ST6GALNAC3: variants seen among roughly 807,000 people sequenced by gnomAD.
ST6GALNAC3 encodes alpha-N-acetylgalactosaminide alpha-2,6-sialyltransferase 3.
ST6GALNAC3 carries 25 observed loss-of-function variants against 32.7 expected under a neutral mutation model. The ratio of observed to expected loss-of-function variants is 0.76; its 90% CI spans 0.56 to 1.07. The LOEUF is 1.07. Ranked by LOEUF, ST6GALNAC3 falls within the 50% of genes least tolerant of loss-of-function variation. ST6GALNAC3 has a pLI of 0.00. For synonymous variants in ST6GALNAC3, 129 were observed against 133.1 expected (o/e 0.97, Z 0.21); for missense variants, 355 against 382.4 (o/e 0.93, Z 0.60).
chr1:76,324,946 A>G (rs1163029569), intron 2 of ST6GALNAC3, among the ~76,000 whole-genome samples: 2 of 151,902 alleles, frequency 1.3e-5, no homozygotes, highest in African/African-American at 2.4e-5. Context: ...ATATATTTTT[A>G]TTATACTTTA....
chr1:76,624,399 T>C (rs2100713900), intron 3 of ST6GALNAC3, among the ~76,000 whole-genome samples: 1 of 152,008 alleles, frequency 6.6e-6, no homozygotes, highest in Admixed American at 6.6e-5. Flanking sequence ...CTAATGACCA[T>C]TGTATCTTCT....
chr1:76,619,917 C>T (rs896894585), intron 3 of ST6GALNAC3, among the ~76,000 whole-genome samples: 1 of 152,072 alleles, frequency 6.6e-6, no homozygotes, highest in Non-Finnish European at 1.5e-5. Flanking sequence ...TCAGCTCTTA[C>T]CTCCTGTTGG....
chr1:76,533,251 A>G (rs1303188957), intron 3 of ST6GALNAC3, among the ~76,000 whole-genome samples: 1 of 152,182 alleles, frequency 6.6e-6, no homozygotes, highest in Non-Finnish European at 1.5e-5. Context: ...AAAGTCCTGT[A>G]CAAAGAACCA....
chr1:76,570,739 C>T (rs993262519), intron 3 of ST6GALNAC3, among the ~76,000 whole-genome samples: 3 of 152,010 alleles, frequency 2.0e-5, no homozygotes, highest in Admixed American at 6.6e-5. Flanking sequence ...CTTCTCTTGC[C>T]GTGGGGGACA....
intron 2 of ST6GALNAC3, among the ~76,000 whole-genome samples, chr1:76,346,605 G>A (rs1019819528): frequency 2.6e-4 from 40 of 152,218 alleles, no homozygotes; most frequent in Non-Finnish European, 3.5e-4. Flanking sequence ...GCAATGCACA[G>A]CTACAGAGGC....
At chr1:76,098,138 G>A (rs2100767270) in intron 1 of ST6GALNAC3, among the ~76,000 whole-genome samples, 1 of 152,218 alleles carries the variant, frequency 6.6e-6, no homozygotes, top group East Asian at 1.9e-4. Context: ...CTATCCACAA[G>A]GCAATAATTT....
In ST6GALNAC3 at chr1:76,628,941, A is replaced by C. The variant is rs1351038236; in HGVS notation, c.*135A>C. ...TTATCAAGTTCCTGTACACTCTCAG[A>C]TGTGGATGGTGACTCTGCTAGTAAT... is the stretch of plus-strand genomic sequence containing the variant. On this transcript the variant is annotated 3_prime_UTR_variant, in exon 5 of 5. Transcript: ENST00000328299. The C allele has an allele frequency of 5.4e-6, 8 of 1,478,024 alleles. No individual in the cohort carries two copies. Among genetic ancestry groups the C allele is most frequent in the African/African-American group, 1.4e-5 (1 of 69,612 alleles). The allele number at this position is 1,478,024 out of a possible 1,614,324, so 91.6% of individuals were successfully genotyped here.
intron 1 of ST6GALNAC3, among the ~76,000 whole-genome samples, chr1:76,203,757 C>G (rs72675912): frequency 6.6e-6 from 1 of 151,752 alleles, no homozygotes; most frequent in Non-Finnish European, 1.5e-5. Flanking sequence ...ATAAAATTAC[C>G]TAATAGGTAT....
At chr1:76,552,927 G>C (rs1664721252) in intron 3 of ST6GALNAC3, among the ~76,000 whole-genome samples, 1 of 152,084 alleles carries the variant, frequency 6.6e-6, no homozygotes, top group Admixed American at 6.5e-5. Context: ...AGTTTACAAA[G>C]ATTTTTAGAC....
chr1:76,170,121 C>T (rs1652382005), intron 1 of ST6GALNAC3, among the ~76,000 whole-genome samples: 1 of 152,142 alleles, frequency 6.6e-6, no homozygotes, highest in African/African-American at 2.4e-5. Context: ...CATTCAGCTC[C>T]CAACTCCTGC....
intron 2 of ST6GALNAC3, among the ~76,000 whole-genome samples, chr1:76,315,460 T>C (rs1557779546): frequency 6.6e-6 from 1 of 151,966 alleles, no homozygotes; most frequent in Admixed American, 6.6e-5. Flanking sequence ...GATTTCGGAG[T>C]GTGAAAGGAA....
intron 1 of ST6GALNAC3, among the ~76,000 whole-genome samples, chr1:76,092,521 C>T (rs1287768132): frequency 6.6e-6 from 1 of 152,096 alleles, no homozygotes; most frequent in Non-Finnish European, 1.5e-5. Flanking sequence ...ATCACAGCAA[C>T]CCTTCAAAAT....
intron 1 of ST6GALNAC3, among the ~76,000 whole-genome samples, chr1:76,208,049 C>CGCA (rs1553165404): frequency 2.0e-5 from 1 of 51,100 alleles, no homozygotes; most frequent in African/African-American, 5.8e-5. Flanking sequence ...GTGCCCCCCC[C>CGCA]CCCAAAAAAT....
intron 3 of ST6GALNAC3, among the ~76,000 whole-genome samples, chr1:76,521,708 A>G (rs1386229816): frequency 6.6e-6 from 1 of 152,112 alleles, no homozygotes; most frequent in Non-Finnish European, 1.5e-5. Context: ...TTAGTATTTC[A>G]TATTTATTTT....
intron 2 of ST6GALNAC3, among the ~76,000 whole-genome samples, chr1:76,316,123 C>T (rs61771478): frequency 7.2e-5 from 11 of 151,990 alleles, no homozygotes; most frequent in African/African-American, 2.7e-4. Context: ...AGAAGTCTGA[C>T]AATACCAAGT....
intron 2 of ST6GALNAC3, among the ~76,000 whole-genome samples, chr1:76,363,362 T>C (rs1650116662): frequency 6.6e-6 from 1 of 152,200 alleles, no homozygotes; most frequent in African/African-American, 2.4e-5. Flanking sequence ...TGACATTTAC[T>C]CCAGTTCCCA....
chr1:76,605,861 T>TAAAAAAAAAAA lies in ST6GALNAC3; in HGVS notation c.624-21573_624-21563dup, dbSNP rs1159864958. Among the ~76,000 whole-genome samples, 51 of 58,894 alleles carry TAAAAAAAAAAA rather than the reference T, an allele frequency of 8.7e-4. 10 individuals are homozygous for TAAAAAAAAAAA. Among genetic ancestry groups the TAAAAAAAAAAA allele is most frequent in the African/African-American group, 2.5e-3 (34 of 13,580 alleles). The allele number at this position is 58,894 out of a possible 152,430, so 38.6% of individuals were successfully genotyped here. ...TCCTGGGTAATAGAGGGAGACTCCA[T>TAAAAAAAAAAA]AAAAAAAAAAAAAAAAAAAAAAAAA... On this transcript the variant is annotated intron_variant, in intron 3 of 4. Coordinates refer to ENST00000328299, the MANE Select transcript of ST6GALNAC3 (RefSeq NM_152996.4).
intron 1 of ST6GALNAC3, among the ~76,000 whole-genome samples, chr1:76,265,954 G>T (rs993350061): frequency 2.2e-4 from 33 of 152,288 alleles, no homozygotes; most frequent in African/African-American, 7.7e-4. Context: ...CAGGTAGATG[G>T]TCTGAGGATT....
At position 76,170,552 on chromosome 1, in the gene ST6GALNAC3, T is replaced by A. The variant is rs115767779; in HGVS notation, c.18+95668T>A. ...AATCCAAAATTCATTACTGGTTTAT[T>A]ACTTTACTGGCCAGGGATTATGGCA... is the stretch of plus-strand genomic sequence containing the variant. On this transcript the variant is annotated intron_variant, in intron 1 of 4. Coordinates refer to ENST00000328299, the MANE Select transcript of ST6GALNAC3 (RefSeq NM_152996.4). 2.3e-3 allele frequency among the ~76,000 whole-genome samples: 345 copies of A among 152,332 alleles called. 2 individuals carry two copies. The highest frequency in any genetic ancestry group is 7.8e-3 in the African/African-American group (324 of 41,570).
Sources: allele counts gnomAD v4.1 joint callset (sites outside exome capture counted in the v4.1 genomes callset), GRCh38; gene constraint gnomAD v4.1.1; transcripts MANE v1.5; gene names NCBI Gene and HGNC (gene_info 2026-07-23, HGNC 2026-07-21).